The following PNMA8B variants were observed in gnomAD, a reference collection of about 807,000 sequenced individuals.
PNMA8B encodes paraneoplastic antigen-like protein 8B.
For synonymous variants in PNMA8B, 386 were observed against 394.9 expected (o/e 0.98, Z 0.27); for missense variants, 887 against 885.8 (o/e 1.00, Z -0.02).
rs1272801345 is a variant in PNMA8B, at chr19:46,492,718, G to C, written c.*840C>G. 6.6e-6 allele frequency: 1 copy of C among 152,400 alleles called. No individual in the cohort carries two copies. The highest frequency in any genetic ancestry group is 2.4e-5 in the African/African-American group (1 of 41,470). The allele number at this position is 152,400 out of a possible 1,614,324, so 9.4% of individuals were successfully genotyped here. A position where few individuals can be genotyped will look rare whatever the true frequency, so the allele number is the denominator to read the frequency against. On this transcript the variant is annotated 3_prime_UTR_variant, in exon 1 of 1. Transcript: ENST00000599531. ...GAGGGGCCAGGGCCCACTCAGCCCA[G>C]AAGAACCAAAACTGGATTTTAAGTG...
In PNMA8B at chr19:46,493,580, C is replaced by A; in HGVS notation, c.1886G>T (p.Arg629Met). ...CCACTAGCGGCATTTAGGGGGCAGCCTCCGGCCCCGACGGGCCTTCTTCCC... is the reference window on the plus strand; with the variant it reads ...CCACTAGCGGCATTTAGGGGGCAGCATCCGGCCCCGACGGGCCTTCTTCCC... ...ARGKKARRGR[R>M]LPPKCR The change falls in exon 1 of 1, where the codon AGG (arginine) becomes ATG (methionine). Residue 629 changes from arginine to methionine, a missense_variant. Transcript: ENST00000599531. The surrounding 1 kb of genome is among the most constrained non-coding windows in gnomAD (Gnocchi z 5.3). The A allele has an allele frequency of 6.8e-7, 1 of 1,463,344 alleles. No homozygotes were observed. The highest frequency in any genetic ancestry group is 9.0e-7 in the Non-Finnish European group (1 of 1,116,882). The allele number at this position is 1,463,344 out of a possible 1,614,324, so 90.6% of individuals were successfully genotyped here. A position where few individuals can be genotyped will look rare whatever the true frequency, so the allele number is the denominator to read the frequency against.
rs1379586006 is a variant in PNMA8B, at chr19:46,493,981, C to T, written c.1485G>A (p.Glu495=). ...CCGACCCCTCGTTGGACCCCATGTT[C>T]TCCCGGGCGGCCAGGAGCGCCAATA... ...GEVLALLAAR[E]NMGSNEGSEE... Residue 495 remains glutamate (E), a synonymous_variant, in exon 1 of 1, where the codon GAG becomes GAA. Transcript: ENST00000599531. This position sits in a 1 kb window ranked among gnomAD's most constrained non-coding sequence, Gnocchi z 5.3. 1.2e-6 allele frequency: 2 copies of T among 1,613,702 alleles called. No homozygotes were observed. Among genetic ancestry groups the T allele is most frequent in the Non-Finnish European group, 1.7e-6 (2 of 1,179,874 alleles).
Position 46,494,974 on chromosome 19 carries a change from G to A in PNMA8B, c.492C>T (p.Arg164=). The A allele has an allele frequency of 6.2e-7, 1 of 1,608,964 alleles. No homozygotes were observed. Among genetic ancestry groups the A allele is most frequent in the Non-Finnish European group, 8.5e-7 (1 of 1,179,802 alleles). The change falls in exon 1 of 1, where the codon CGC becomes CGT. Residue 164 remains arginine (R), a synonymous_variant. Transcript: ENST00000599531. The stretch of plus-strand genomic sequence containing the variant: ...ACCTGTTGCGTCTGGTTCTGTTTCT[G>A]CGACCCCGACGGCCCCTCCTTGGGT... ...ARNPRRGRRG[R]RNRTRRNRLT...
rs769150641 is a variant in PNMA8B, at chr19:46,491,538, T to C, written c.*2020A>G. Reference sequence around the variant, plus strand: ...TGTGGCCTGGCAGAGTGTATCTGGGTGGAAGCTAGGGTGGGGATTGGCTGG... The same window carrying C: ...TGTGGCCTGGCAGAGTGTATCTGGGCGGAAGCTAGGGTGGGGATTGGCTGG... On this transcript the variant is annotated 3_prime_UTR_variant, in exon 1 of 1. Transcript: ENST00000599531. The C allele has an allele frequency of 2.1e-5, 3 of 139,704 alleles. No individual in the cohort carries two copies. Among genetic ancestry groups the C allele is most frequent in the Non-Finnish European group, 3.1e-5 (2 of 64,956 alleles). The allele number at this position is 139,704 out of a possible 1,614,324, so 8.7% of individuals were successfully genotyped here.
Position 46,493,949 on chromosome 19 carries a change from G to A in PNMA8B, c.1517C>T (p.Ala506Val), listed in dbSNP as rs761407668. Residue 506 changes from alanine (A) to valine (V), a missense_variant, in exon 1 of 1, where the codon GCT (alanine) becomes GTT (valine). Transcript: ENST00000599531. This position sits in a 1 kb window ranked among gnomAD's most constrained non-coding sequence, Gnocchi z 5.3. ...CTCCTCCTCGGACTGTTCGTCCGAA[G>A]CCTCCTCCGACCCCTCGTTGGACCC... ...NMGSNEGSEE[A>V]SDEQSEEESE... The A allele has an allele frequency of 6.2e-7, 1 of 1,611,394 alleles. No homozygotes were observed. The highest frequency in any genetic ancestry group is 1.1e-5 in the South Asian group (1 of 90,908).
chr19:46,493,947 A>AAG lies in PNMA8B; in HGVS notation c.1517_1518dup (p.Ser507LeufsTer40). 6.2e-7 allele frequency: 1 copy of AAG among 1,610,582 alleles called. No homozygotes were observed. Among genetic ancestry groups the AAG allele is most frequent in the South Asian group, 1.1e-5 (1 of 90,854 alleles). On this transcript the variant is annotated frameshift_variant, in exon 1 of 1. Transcript: ENST00000599531. LOFTEE classifies it low-confidence loss of function (END_TRUNC). This position sits in a 1 kb window ranked among gnomAD's most constrained non-coding sequence, Gnocchi z 5.3. ...GACTCCTCCTCGGACTGTTCGTCCG[A>AAG]AGCCTCCTCCGACCCCTCGTTGGAC...
At position 46,493,580 on chromosome 19, in the gene PNMA8B, C is replaced by T; in HGVS notation, c.1886G>A (p.Arg629Lys). ...CCACTAGCGGCATTTAGGGGGCAGCCTCCGGCCCCGACGGGCCTTCTTCCC... is the reference window on the plus strand; with the variant it reads ...CCACTAGCGGCATTTAGGGGGCAGCTTCCGGCCCCGACGGGCCTTCTTCCC... ...ARGKKARRGR[R>K]LPPKCR Residue 629 changes from arginine to lysine, a missense_variant, in exon 1 of 1, where the codon AGG (arginine) becomes AAG (lysine). Coordinates refer to ENST00000599531, the MANE Select transcript of PNMA8B (RefSeq NM_020709.3). This position sits in a 1 kb window ranked among gnomAD's most constrained non-coding sequence, Gnocchi z 5.3. 1 of 1,463,344 alleles carries T rather than the reference C, an allele frequency of 6.8e-7. No homozygotes were observed. Among genetic ancestry groups the T allele is most frequent in the Non-Finnish European group, 9.0e-7 (1 of 1,116,882 alleles). 90.6% of individuals were successfully genotyped at this position (1,463,344 alleles called of 1,614,324 possible). A position where few individuals can be genotyped will look rare whatever the true frequency, so the allele number is the denominator to read the frequency against.
rs747244251 is a variant in PNMA8B, at chr19:46,494,190, G to T, written c.1276C>A (p.Gln426Lys). ...STLAQPDLPP[Q>K]AKKAGRGLFG... is the part of the protein sequence containing the mutation. Reference sequence around the variant, plus strand: ...AGGCCACGCCCAGCCTTCTTCGCCTGGGGAGGGAGATCCGGCTGCGCCAAG... The same window carrying T: ...AGGCCACGCCCAGCCTTCTTCGCCTTGGGAGGGAGATCCGGCTGCGCCAAG... Residue 426 changes from glutamine to lysine, a missense_variant, in exon 1 of 1, where the codon CAG becomes AAG. By Grantham distance (53) the Gln-to-Lys change is moderately conservative (BLOSUM62 1). Coordinates refer to ENST00000599531, the MANE Select transcript of PNMA8B (RefSeq NM_020709.3). 4 of 1,609,566 alleles carry T rather than the reference G, an allele frequency of 2.5e-6. No homozygotes were observed. The highest frequency in any genetic ancestry group is 1.6e-4 in the Middle Eastern group (1 of 6,062).
chr19:46,494,823 T>G lies in PNMA8B; in HGVS notation c.643A>C (p.Ser215Arg). The G allele has an allele frequency of 6.2e-7, 1 of 1,613,582 alleles. No individual in the cohort carries two copies. Among genetic ancestry groups the G allele is most frequent in the Non-Finnish European group, 8.5e-7 (1 of 1,179,858 alleles). Reference sequence around the variant, plus strand: ...AGCGCGCTCTGGTCCTCTTCTCCGCTCAGGTCGCCCTGGTCGATCTCCTCG... The same window carrying G: ...AGCGCGCTCTGGTCCTCTTCTCCGCGCAGGTCGCCCTGGTCGATCTCCTCG... Reference protein sequence around the residue: ...VIEEIDQGDLSGEEDQSALYA... With the variant: ...VIEEIDQGDLRGEEDQSALYA... Residue 215 changes from serine (S) to arginine (R), a missense_variant, in exon 1 of 1, where the codon AGC becomes CGC. Ser to Arg is a moderately radical substitution (Grantham distance 110, BLOSUM62 -1). Transcript: ENST00000599531.
Position 46,494,264 on chromosome 19 carries a change from A to G in PNMA8B, c.1202T>C (p.Val401Ala). The G allele has an allele frequency of 1.2e-6, 2 of 1,610,090 alleles. No homozygotes were observed. The highest frequency in any genetic ancestry group is 1.7e-6 in the Non-Finnish European group (2 of 1,179,520). ...EEAGREVDAV[V>A]LRKAGDDGDL... ...CCCGTCATCCCCGGCCTTGCGCAGG[A>G]CCACGGCGTCCACCTCGCGGCCCGC... is the stretch of plus-strand genomic sequence containing the variant. Residue 401 changes from valine (V) to alanine (A), a missense_variant, in exon 1 of 1, where the codon GTC becomes GCC. Val to Ala is a moderately conservative substitution (Grantham distance 64). Coordinates refer to ENST00000599531, the MANE Select transcript of PNMA8B (RefSeq NM_020709.3).
Position 46,495,579 on chromosome 19 carries a change from C to T in PNMA8B, c.-114G>A, listed in dbSNP as rs1970083454. 1.5e-6 allele frequency: 2 copies of T among 1,378,134 alleles called. No homozygotes were observed. The highest frequency in any genetic ancestry group is 1.5e-5 in the South Asian group (1 of 65,018). 85.4% of individuals were successfully genotyped at this position (1,378,134 alleles called of 1,614,324 possible). On this transcript the variant is annotated 5_prime_UTR_variant, in exon 1 of 1. Transcript: ENST00000599531. The stretch of plus-strand genomic sequence containing the variant: ...AAGCCACTTGCAGGGCTTAGAGTCC[C>T]GGTTCCGGTGAATGTGGCAAGGCTG...
At position 46,494,134 on chromosome 19, in the gene PNMA8B, G is replaced by T. The variant is rs370979395; in HGVS notation, c.1332C>A (p.Asp444Glu). 6 of 1,611,098 alleles carry T rather than the reference G, an allele frequency of 3.7e-6. No individual in the cohort carries two copies. The highest frequency in any genetic ancestry group is 5.1e-6 in the Non-Finnish European group (6 of 1,179,826). The change falls in exon 1 of 1, where the codon GAC (aspartate) becomes GAA (glutamate). Residue 444 changes from aspartate to glutamate, a missense_variant. Coordinates refer to ENST00000599531, the MANE Select transcript of PNMA8B (RefSeq NM_020709.3). ...CCACCAGCTCCAGAAGACCCCCTTCGTCCTCACGGTGCTCGCTCCAGCCCC... is the reference window on the plus strand; with the variant it reads ...CCACCAGCTCCAGAAGACCCCCTTCTTCCTCACGGTGCTCGCTCCAGCCCC... ...LFGGWSEHRE[D>E]EGGLLELVAL... is the part of the protein sequence containing the mutation.
rs1196148290 is a variant in PNMA8B, at chr19:46,495,679, T to A, written c.-214A>T. 2 of 591,804 alleles carry A rather than the reference T, an allele frequency of 3.4e-6. No homozygotes were observed. Among genetic ancestry groups the A allele is most frequent in the Non-Finnish European group, 3.0e-6 (1 of 330,518 alleles). 36.7% of individuals were successfully genotyped at this position (591,804 alleles called of 1,614,324 possible). ...CGCAGTGACCTTCCCCCGGGACCCC[T>A]CTCCAGAGCTGTCTGAGGATCCGCG... On this transcript the variant is annotated 5_prime_UTR_variant, in exon 1 of 1. Coordinates refer to ENST00000599531, the MANE Select transcript of PNMA8B (RefSeq NM_020709.3).
At position 46,491,326 on chromosome 19, in the gene PNMA8B, G is replaced by A. The variant is rs1275090619; in HGVS notation, c.*2232C>T. 1 of 152,290 alleles carries A rather than the reference G, an allele frequency of 6.6e-6. No individual in the cohort carries two copies. The highest frequency in any genetic ancestry group is 1.5e-5 in the Non-Finnish European group (1 of 68,080). The allele number at this position is 152,290 out of a possible 1,614,324, so 9.4% of individuals were successfully genotyped here. ...TGACGGCACAGGAAGGAGACCTTGG[G>A]GGATCTGGGGAGGCGAGGGACGCAA... On this transcript the variant is annotated 3_prime_UTR_variant, in exon 1 of 1. Transcript: ENST00000599531.
Position 46,493,592 on chromosome 19 carries a change from CG to C in PNMA8B, c.1873del (p.Arg625ValfsTer197). 1 of 1,479,546 alleles carries C rather than the reference CG, an allele frequency of 6.8e-7. No homozygotes were observed. 91.7% of individuals were successfully genotyped at this position (1,479,546 alleles called of 1,614,324 possible). ...TTTAGGGGGCAGCCTCCGGCCCCGACGGGCCTTCTTCCCGCGCGCGGCCTTG... is the reference window on the plus strand; with the variant it reads ...TTTAGGGGGCAGCCTCCGGCCCCGACGGCCTTCTTCCCGCGCGCGGCCTTG... ...GSKAARGKKA[R>X]RGRRLPPKCR On this transcript the variant is annotated frameshift_variant, in exon 1 of 1. Coordinates refer to ENST00000599531, the MANE Select transcript of PNMA8B (RefSeq NM_020709.3). LOFTEE classifies it high-confidence loss of function. The surrounding 1 kb of genome is among the most constrained non-coding windows in gnomAD (Gnocchi z 5.3).
In PNMA8B at chr19:46,492,135, G is replaced by A. The variant is rs370053145; in HGVS notation, c.*1423C>T. The A allele has an allele frequency of 4.5e-6, 2 of 444,060 alleles. No homozygotes were observed. Among genetic ancestry groups the A allele is most frequent in the Non-Finnish European group, 4.6e-6 (1 of 219,456 alleles). The allele number at this position is 444,060 out of a possible 1,614,324, so 27.5% of individuals were successfully genotyped here. A position where few individuals can be genotyped will look rare whatever the true frequency, so the allele number is the denominator to read the frequency against. On this transcript the variant is annotated 3_prime_UTR_variant, in exon 1 of 1. Transcript: ENST00000599531. ...TGGGACAGTCTGGTCTGGACTGTGA[G>A]GTCACACCCAAACCCTCCTATTCCT... is the stretch of plus-strand genomic sequence containing the variant.
rs1214490331 is a variant in PNMA8B, at chr19:46,495,538, T to C, written c.-73A>G. ...TAGGGGTGGGCTGCAGCGCACGGTG[T>C]CAATGCAACCCTAGAAAGCCACTTG... On this transcript the variant is annotated 5_prime_UTR_variant, in exon 1 of 1. Transcript: ENST00000599531. The C allele has an allele frequency of 2.7e-6, 4 of 1,502,828 alleles. No homozygotes were observed. Among genetic ancestry groups the C allele is most frequent in the Non-Finnish European group, 2.7e-6 (3 of 1,124,702 alleles). The allele number at this position is 1,502,828 out of a possible 1,614,324, so 93.1% of individuals were successfully genotyped here. A position where few individuals can be genotyped will look rare whatever the true frequency, so the allele number is the denominator to read the frequency against.
chr19:46,491,210 A>T lies in PNMA8B; in HGVS notation c.*2348T>A, dbSNP rs1363891581. 1 of 152,214 alleles carries T rather than the reference A, an allele frequency of 6.6e-6. No homozygotes were observed. The highest frequency in any genetic ancestry group is 2.4e-5 in the African/African-American group (1 of 41,458). The allele number at this position is 152,214 out of a possible 1,614,324, so 9.4% of individuals were successfully genotyped here. ...ACTGAGGACATGCATGTGTATTTTT[A>T]TTTAATCTTAATTACATTTAAATCC... On this transcript the variant is annotated 3_prime_UTR_variant, in exon 1 of 1. Transcript: ENST00000599531.
rs1397972661 is a variant in PNMA8B at position 46,491,343 on chromosome 19, G to A, written c.*2215C>T. ...GACCTTGGGGGATCTGGGGAGGCGA[G>A]GGACGCAATCAGACCCCAGGTGTGA... is the stretch of plus-strand genomic sequence containing the variant. On this transcript the variant is annotated 3_prime_UTR_variant, in exon 1 of 1. Coordinates refer to ENST00000599531, the MANE Select transcript of PNMA8B (RefSeq NM_020709.3). The A allele has an allele frequency of 2.6e-5, 4 of 152,266 alleles. No homozygotes were observed. Among genetic ancestry groups the A allele is most frequent in the Admixed American group, 6.5e-5 (1 of 15,270 alleles). The allele number at this position is 152,266 out of a possible 1,614,324, so 9.4% of individuals were successfully genotyped here.
Sources: gnomAD v4.1 joint callset for allele counts on GRCh38, gnomAD v4.1.1 for gene constraint, Gnocchi (gnomAD v3.1) non-coding constraint, MANE v1.5 for transcripts, NCBI Gene and HGNC (gene_info 2026-07-23, HGNC 2026-07-21) for gene names.